EDN1: variants seen among roughly 807,000 people sequenced by gnomAD.
EDN1 encodes endothelin 1, also known as endothelin-1.
In EDN1, 11 loss-of-function variants were observed where a neutral mutation model predicts 21.7. The ratio of observed to expected loss-of-function variants is 0.51; its 90% CI spans 0.32 to 0.84. The LOEUF (loss-of-function observed/expected upper bound fraction) is 0.84. Among genes scored for constraint, EDN1 ranks in the 40% least tolerant of loss-of-function variants. The probability of loss-of-function intolerance (pLI) is 0.03; values close to 1 mark genes in which losing one functional copy is unlikely to be tolerated. For synonymous variants in EDN1, 85 were observed against 90.6 expected, an observed-to-expected ratio of 0.94 and a Z score of 0.35; for missense variants, 244 against 262.3, an observed-to-expected ratio of 0.93 and a Z score of 0.48.
chr6:12,277,948 A>G, the EDN1 span, among the ~76,000 whole-genome samples: 2 of 152,148 alleles, frequency 1.3e-5, no homozygotes, highest in Non-Finnish European at 2.9e-5. Context: ...TGTGGTTTTT[A>G]TTTTTGGACT....
the EDN1 span, among the ~76,000 whole-genome samples, chr6:12,231,827 T>C: frequency 0.055 from 8,365 of 152,048 alleles, 772 homozygotes; most frequent in African/African-American, 0.19. Context: ...CTTGTATAAA[T>C]TTAATGTGTT....
At chr6:12,287,859 C>T (rs1258790351), upstream of EDN1, among the ~76,000 whole-genome samples, 1 of 152,090 alleles carries the variant, frequency 6.6e-6, no homozygotes. Flanking sequence ...GTCTGAAATC[C>T]TGCATTCTTC....
At chr6:12,252,963 T>C in the EDN1 span, among the ~76,000 whole-genome samples, 2 of 152,168 alleles carry the variant, frequency 1.3e-5, no homozygotes, top group Admixed American at 6.5e-5. Context: ...GAAATCCAAC[T>C]AACCTCAGAG....
At chr6:12,272,244 C>T in the EDN1 span, among the ~76,000 whole-genome samples, 1 of 152,026 alleles carries the variant, frequency 6.6e-6, no homozygotes, top group Non-Finnish European at 1.5e-5. Flanking sequence ...GAAGAGAACA[C>T]AGAAACCAGG....
At chr6:12,271,255 T>A in the EDN1 span, among the ~76,000 whole-genome samples, 4 of 152,298 alleles carry the variant, frequency 2.6e-5, no homozygotes, top group East Asian at 7.7e-4. Context: ...ATCTTCTGTC[T>A]CTTTCTTCCT....
chr6:12,277,428 G>A, the EDN1 span, among the ~76,000 whole-genome samples: 4 of 152,304 alleles, frequency 2.6e-5, no homozygotes, highest in African/African-American at 7.2e-5. Context: ...ACAATAATGC[G>A]TGATGTAAGT....
At chr6:12,268,926 T>C in the EDN1 span, among the ~76,000 whole-genome samples, 35,542 of 152,044 alleles carry the variant, frequency 0.23, 4,856 homozygotes, top group East Asian at 0.57. Flanking sequence ...TTGAGTAGTA[T>C]GGACATTTTA....
At position 12,294,076 on chromosome 6, in the gene EDN1, C is replaced by T; in HGVS notation, c.369C>T (p.Cys123=). The change falls in exon 3 of 5, where the codon TGC becomes TGT. Residue 123 remains cysteine (C), a synonymous_variant. Coordinates refer to ENST00000379375, the MANE Select transcript of EDN1 (RefSeq NM_001955.5). ...AAGACAAGAAGTGCTGGAATTTTTG[C>T]CAAGCAGGAAAAGAACTCAGGTGAG... is the stretch of plus-strand genomic sequence containing the variant. ...SQKDKKCWNF[C]QAGKELRAED... 6.2e-7 allele frequency: 1 copy of T among 1,614,130 alleles called. No homozygotes were observed. Among genetic ancestry groups the T allele is most frequent in the African/African-American group, 1.3e-5 (1 of 75,034 alleles).
At chr6:12,239,422 A>G in the EDN1 span, among the ~76,000 whole-genome samples, 1 of 152,204 alleles carries the variant, frequency 6.6e-6, no homozygotes, top group South Asian at 2.1e-4. Context: ...TCCAGCAGAT[A>G]CGGCCAAGTG....
At chr6:12,283,989 T>G in the EDN1 span, among the ~76,000 whole-genome samples, 4 of 152,218 alleles carry the variant, frequency 2.6e-5, no homozygotes, top group Non-Finnish European at 5.9e-5. Flanking sequence ...GAACCTCAGC[T>G]TCCTCACCCC....
the EDN1 span, among the ~76,000 whole-genome samples, chr6:12,251,958 G>A: frequency 6.6e-6 from 1 of 152,134 alleles, no homozygotes. Context: ...ATATCTCCTT[G>A]TAAGTCAACT....
At chr6:12,268,861 T>A in the EDN1 span, among the ~76,000 whole-genome samples, 1 of 152,148 alleles carries the variant, frequency 6.6e-6, no homozygotes, top group Non-Finnish European at 1.5e-5. Flanking sequence ...AATATAATTT[T>A]GTGAAAAATA....
the EDN1 span, among the ~76,000 whole-genome samples, chr6:12,284,179 G>T: frequency 2.0e-5 from 3 of 152,164 alleles, no homozygotes; most frequent in Admixed American, 2.0e-4. Context: ...TGCACATCAC[G>T]TTAGAGAAAA....
At chr6:12,276,353 C>G in the EDN1 span, among the ~76,000 whole-genome samples, 2 of 152,104 alleles carry the variant, frequency 1.3e-5, no homozygotes, top group Non-Finnish European at 2.9e-5. Context: ...TCCACGTATG[C>G]TATGAATTCA....
At chr6:12,254,761 T>C in the EDN1 span, among the ~76,000 whole-genome samples, 4 of 152,148 alleles carry the variant, frequency 2.6e-5, no homozygotes, top group Non-Finnish European at 5.9e-5. Context: ...ATTTTATATA[T>C]AATCAAGAGA....
At chr6:12,237,811 G>A in the EDN1 span, among the ~76,000 whole-genome samples, 7 of 152,116 alleles carry the variant, frequency 4.6e-5, no homozygotes, top group East Asian at 7.7e-4. Context: ...AAACTGCATC[G>A]TCTGAGAATG....
At chr6:12,277,498 C>T in the EDN1 span, among the ~76,000 whole-genome samples, 3 of 152,104 alleles carry the variant, frequency 2.0e-5, no homozygotes, top group Non-Finnish European at 4.4e-5. Flanking sequence ...AGTAGCTTGC[C>T]CAAGGTTACA....
the EDN1 span, among the ~76,000 whole-genome samples, chr6:12,236,857 G>C: frequency 6.6e-6 from 1 of 150,824 alleles, no homozygotes; most frequent in Non-Finnish European, 1.5e-5. Flanking sequence ...TTAGGTTCTA[G>C]GGTACATGTG....
chr6:12,264,656 A>G, the EDN1 span, among the ~76,000 whole-genome samples: 44 of 152,284 alleles, frequency 2.9e-4, no homozygotes, highest in Admixed American at 9.8e-4. Flanking sequence ...GTTTTAAGAA[A>G]GTCTATGAAT....
Sources: gnomAD v4.1 joint callset for allele counts (sites outside exome capture counted in the v4.1 genomes callset) on GRCh38, gnomAD v4.1.1 for gene constraint, MANE v1.5 for transcripts, NCBI Gene and HGNC (gene_info 2026-07-23, HGNC 2026-07-21) for gene names.